Variants in USH2A observed in about 807,000 individuals in gnomAD.
USH2A encodes Usher syndrome 2A (autosomal recessive, mild).
Under a neutral mutation model 538.9 loss-of-function variants are expected in USH2A, and 443 were observed. The ratio of observed to expected loss-of-function variants is 0.82; its 90% confidence interval spans 0.76 to 0.89. USH2A has a LOEUF of 0.89. Ranked by LOEUF, USH2A falls within the 40% of genes least tolerant of loss-of-function variation. USH2A has a pLI of 0.00. For missense variants in USH2A, 6,633 were observed against 6,324.8 expected, an observed-to-expected ratio of 1.05 and a Z score of -1.65; for synonymous variants, 2,413 against 2,273.5, an observed-to-expected ratio of 1.06 and a Z score of -1.75.
In USH2A at chr1:216,045,606, A is replaced by T. The variant is rs527433966; in HGVS notation, c.6325+825T>A. Among the ~76,000 whole-genome samples, 6 of 152,260 alleles carry T rather than the reference A, an allele frequency of 3.9e-5. No individual in the cohort carries two copies. In the South Asian group the frequency reaches 1.2e-3, roughly 32 times the overall value. On this transcript the variant is annotated intron_variant, in intron 32 of 71. Coordinates refer to ENST00000307340, the MANE Select transcript of USH2A (RefSeq NM_206933.4). ...CTCATGTGAGAGAGGCATTTATTTG[A>T]TGATGTCATTGATCCAACTGGACAC...
chr1:216,306,900 G>T (rs2037327418), intron 9 of USH2A, among the ~76,000 whole-genome samples: 1 of 152,186 alleles, frequency 6.6e-6, no homozygotes, highest in African/African-American at 2.4e-5. Context: ...AGGTCTCTTA[G>T]CCCTGGATAC....
chr1:216,069,998 T>C lies in USH2A; in HGVS notation c.6049+103A>G, dbSNP rs2031503066. ...TTTTTAATCAGGTAAAATACATGTA[T>C]ATTTAATACATTTTTCTAAAAAACA... On this transcript the variant is annotated intron_variant, in intron 30 of 71. Coordinates refer to ENST00000307340, the MANE Select transcript of USH2A (RefSeq NM_206933.4). The C allele has an allele frequency of 3.0e-6, 4 of 1,341,760 alleles. No homozygotes were observed. The East Asian group carries it at 1.0e-4, about 34-fold the overall frequency. The allele number at this position is 1,341,760 out of a possible 1,614,324, so 83.1% of individuals were successfully genotyped here.
chr1:215,841,362 A>G (rs11120663), intron 46 of USH2A, among the ~76,000 whole-genome samples: 1,953 of 152,288 alleles, frequency 0.013, 50 homozygotes, highest in African/African-American at 0.045. Flanking sequence ...GACCAATGGA[A>G]CGGAATAGAG....
intron 9 of USH2A, among the ~76,000 whole-genome samples, chr1:216,301,486 T>C (rs1292287993): frequency 2.0e-5 from 3 of 152,218 alleles, no homozygotes; most frequent in Non-Finnish European, 2.9e-5. Flanking sequence ...ATGTTTATAC[T>C]GGCTTCAGGG....
In USH2A at chr1:215,875,447, G is replaced by A. The variant is rs184023402; in HGVS notation, c.8681+2311C>T. ...TTGTTATCTGCACACTTCCCTTCCG[G>A]AAGCAGCTGTCATGGGTGTGTTTAT... On this transcript the variant is annotated intron_variant, in intron 43 of 71. Coordinates refer to ENST00000307340, the MANE Select transcript of USH2A (RefSeq NM_206933.4). Among the ~76,000 whole-genome samples the A allele has an allele frequency of 2.0e-3, 301 of 152,188 alleles. 2 individuals are homozygous for A. The highest frequency in any genetic ancestry group is 0.014 in the Middle Eastern group (4 of 294).
intron 21 of USH2A, among the ~76,000 whole-genome samples, chr1:216,117,768 A>G (rs2033041169): frequency 6.6e-6 from 1 of 151,754 alleles, no homozygotes; most frequent in Non-Finnish European, 1.5e-5. Flanking sequence ...TCATATACAC[A>G]CAGAAACACA....
At chr1:215,987,578 GA>G (rs1667901059) in intron 35 of USH2A, among the ~76,000 whole-genome samples, 1 of 152,114 alleles carries the variant, frequency 6.6e-6, no homozygotes, top group Admixed American at 6.6e-5. Flanking sequence ...AATTAAGCAG[GA>G]CATATTTGAA....
intron 45 of USH2A, among the ~76,000 whole-genome samples, chr1:215,844,834 C>T (rs1418305983): frequency 6.6e-6 from 1 of 152,056 alleles, no homozygotes; most frequent in Non-Finnish European, 1.5e-5. Flanking sequence ...TCTATACCTC[C>T]AAGGTGCAGG....
At chr1:216,422,593 T>G in intron 1 of USH2A, 53 bp from the exon 2 acceptor site, 1 of 467,462 alleles carries the variant, frequency 2.1e-6, no homozygotes, top group East Asian at 4.2e-5. Context: ...CCTTTAAAAC[T>G]GAAGCTCATC....
At chr1:216,095,874 C>A (rs776514123) in intron 22 of USH2A, among the ~76,000 whole-genome samples, 4 of 152,104 alleles carry the variant, frequency 2.6e-5, no homozygotes, top group Non-Finnish European at 5.9e-5. Flanking sequence ...TGATCCTAGA[C>A]GCAACTTGGA....
At chr1:215,837,307 A>T (rs138452453) in intron 47 of USH2A, among the ~76,000 whole-genome samples, 7 of 152,094 alleles carry the variant, frequency 4.6e-5, no homozygotes, top group Non-Finnish European at 8.8e-5. Context: ...AGGGTGATTC[A>T]TTTGGCTTAA....
intron 35 of USH2A, among the ~76,000 whole-genome samples, chr1:215,992,646 T>G (rs970686966): frequency 6.6e-6 from 1 of 152,180 alleles, no homozygotes; most frequent in Non-Finnish European, 1.5e-5. Flanking sequence ...TACATGAACT[T>G]TCCACCTCTC....
At chr1:216,026,466 G>A (rs1358736515) in intron 32 of USH2A, among the ~76,000 whole-genome samples, 2 of 152,080 alleles carry the variant, frequency 1.3e-5, no homozygotes, top group South Asian at 2.1e-4. Context: ...TTTATCCAAT[G>A]TATGTCAAGC....
chr1:216,377,232 C>T (rs1193491745), intron 3 of USH2A, among the ~76,000 whole-genome samples: 1 of 151,996 alleles, frequency 6.6e-6, no homozygotes, highest in Non-Finnish European at 1.5e-5. Flanking sequence ...GAGAATAATA[C>T]CATTATTGTG....
intron 26 of USH2A, among the ~76,000 whole-genome samples, chr1:216,082,462 T>TA (rs75095481): frequency 0.11 from 15,132 of 132,558 alleles, 1,063 homozygotes; most frequent in Middle Eastern, 0.2. Flanking sequence ...CTAGGAATGT[T>TA]AAAAAAAAAA....
intron 32 of USH2A, among the ~76,000 whole-genome samples, chr1:216,018,959 T>C (rs1668782036): frequency 6.6e-6 from 1 of 152,182 alleles, no homozygotes; most frequent in Non-Finnish European, 1.5e-5. Flanking sequence ...ATAGTGCCTA[T>C]TACTTAGCAA....
chr1:215,709,137 T>C (rs1009126982), intron 61 of USH2A, among the ~76,000 whole-genome samples: 2 of 152,136 alleles, frequency 1.3e-5, no homozygotes, highest in African/African-American at 4.8e-5. Flanking sequence ...TTTGAAATGA[T>C]CAAGAACACT....
chr1:215,779,823 CT>C lies in USH2A; in HGVS notation c.10939+19del, dbSNP rs751350899. The C allele has an allele frequency of 4.7e-5, 75 of 1,600,636 alleles. No individual in the cohort carries two copies. Among genetic ancestry groups the C allele is most frequent in the African/African-American group, 3.1e-4 (23 of 74,344 alleles). ...TGACAGACTCCTCCAGTAGGATTTC[CT>C]TTTTTTTTGTTTTCTCACCTGTGAC... On this transcript the variant is annotated intron_variant, in intron 55 of 71. Transcript: ENST00000307340.
chr1:215,893,108 T>C (rs1299435742), intron 40 of USH2A, among the ~76,000 whole-genome samples: 1 of 152,206 alleles, frequency 6.6e-6, no homozygotes, highest in Admixed American at 6.5e-5. Flanking sequence ...TCACTCCTTA[T>C]ATTTGGGCAA....
Sources: gnomAD v4.1 joint callset for allele counts (sites outside exome capture counted in the v4.1 genomes callset) on GRCh38, gnomAD v4.1.1 for gene constraint, MANE v1.5 for transcripts, NCBI Gene and HGNC (gene_info 2026-07-23, HGNC 2026-07-21) for gene names.